CSMD1: variants seen among roughly 807,000 people sequenced by gnomAD.
The protein encoded by CSMD1 is CUB and sushi domain-containing protein 1.
CSMD1 carries 213 observed loss-of-function variants against 417.5 expected under a neutral mutation model. The observed-to-expected ratio is 0.51, with a 90% CI of 0.46 to 0.57. CSMD1 has a LOEUF of 0.57. Among genes scored for constraint, CSMD1 ranks in the 20% least tolerant of loss-of-function variants. CSMD1 has a pLI of 0.00. For synonymous variants in CSMD1, 2,862 were observed against 1,736.8 expected, an observed-to-expected ratio of 1.65 and a Z score of -16.11; for missense variants, 6,923 against 4,529.7, an observed-to-expected ratio of 1.53 and a Z score of -15.17.
rs186010329 is a variant in CSMD1, at chr8:3,542,499, A to T, written c.1344+32446T>A. Among the ~76,000 whole-genome samples the T allele has an allele frequency of 2.4e-4, 37 of 152,328 alleles. No individual in the cohort carries two copies. The East Asian group carries it at 6.0e-3, about 25-fold the overall frequency. ...TTTCTCAGGCAGGGAAAAAGCAATA[A>T]ATCAGTGACTACATCCTGTGTCAGA... On this transcript the variant is annotated intron_variant, in intron 10 of 69. Coordinates refer to ENST00000635120, the MANE Select transcript of CSMD1 (RefSeq NM_033225.6).
In CSMD1 at chr8:3,351,383, G is replaced by T. The variant is rs555910288; in HGVS notation, c.3305-3222C>A. Among the ~76,000 whole-genome samples, 373 of 151,982 alleles carry T rather than the reference G, an allele frequency of 2.5e-3. 1 individual carries two copies. The highest frequency in any genetic ancestry group is 4.5e-3 in the Non-Finnish European group (305 of 67,950). On this transcript the variant is annotated intron_variant, in intron 21 of 69. Transcript: ENST00000635120. The stretch of plus-strand genomic sequence containing the variant: ...CCCAGCACTTTCGGAGGCCGAGGCA[G>T]GCGGATCACCTGAGGTCAGGAGTTG...
chr8:4,367,424 A>G (rs571982905), intron 3 of CSMD1, among the ~76,000 whole-genome samples: 3 of 151,962 alleles, frequency 2.0e-5, no homozygotes, highest in Non-Finnish European at 2.9e-5. Flanking sequence ...CTATGTGTCT[A>G]TTTCTGTACC....
intron 12 of CSMD1, among the ~76,000 whole-genome samples, chr8:3,451,876 G>T (rs1199501368): frequency 6.6e-6 from 1 of 152,148 alleles, no homozygotes; most frequent in African/African-American, 2.4e-5. Context: ...GCTTGATGGG[G>T]ATGGCATTGA....
chr8:3,832,986 G>A (rs1027574491), intron 5 of CSMD1, among the ~76,000 whole-genome samples: 3 of 152,146 alleles, frequency 2.0e-5, no homozygotes, highest in African/African-American at 7.2e-5. Flanking sequence ...TATAGACACT[G>A]TTTTCTTTTT....
chr8:3,071,360 G>C (rs767976170), intron 49 of CSMD1, among the ~76,000 whole-genome samples: 4 of 152,162 alleles, frequency 2.6e-5, no homozygotes, highest in African/African-American at 9.7e-5. Context: ...ACGGGGTGGG[G>C]AGCAAGAGGA....
At chr8:4,406,597 C>G (rs1396513973) in intron 3 of CSMD1, among the ~76,000 whole-genome samples, 1 of 152,060 alleles carries the variant, frequency 6.6e-6, no homozygotes, top group East Asian at 1.9e-4. Context: ...GATAAGACAC[C>G]CACACCAAGG....
At chr8:4,720,791 A>G (rs1010127251) in intron 1 of CSMD1, among the ~76,000 whole-genome samples, 2 of 152,214 alleles carry the variant, frequency 1.3e-5, no homozygotes, top group African/African-American at 4.8e-5. Flanking sequence ...TTTGTGACTT[A>G]GAATTCCATC....
At chr8:4,655,120 G>A (rs190603318) in intron 1 of CSMD1, among the ~76,000 whole-genome samples, 1 of 151,574 alleles carries the variant, frequency 6.6e-6, no homozygotes, top group Non-Finnish European at 1.5e-5. Context: ...AATTTCAAGG[G>A]TTTTGTCTTA....
At chr8:4,641,354 CAG>C (rs1457513620) in intron 1 of CSMD1, among the ~76,000 whole-genome samples, 1 of 152,152 alleles carries the variant, frequency 6.6e-6, no homozygotes, top group African/African-American at 2.4e-5. Context: ...ATAGAAGAAT[CAG>C]AGAGTTAGTT....
At chr8:4,815,361 C>T (rs1361625435) in intron 1 of CSMD1, among the ~76,000 whole-genome samples, 1 of 152,134 alleles carries the variant, frequency 6.6e-6, no homozygotes, top group Non-Finnish European at 1.5e-5. Flanking sequence ...ACAGAGCCAG[C>T]TTGTGGACAC....
chr8:4,496,776 T>G (rs1311512662), intron 2 of CSMD1, among the ~76,000 whole-genome samples: 1 of 152,130 alleles, frequency 6.6e-6, no homozygotes, highest in Non-Finnish European at 1.5e-5. Flanking sequence ...TTGAAAGCAT[T>G]TCCTTAGAGC....
At chr8:4,534,493 G>C (rs539295553) in intron 2 of CSMD1, among the ~76,000 whole-genome samples, 1 of 152,112 alleles carries the variant, frequency 6.6e-6, no homozygotes. Context: ...TTCAGATACA[G>C]CGGGGTACAG....
intron 36 of CSMD1, among the ~76,000 whole-genome samples, chr8:3,182,578 C>CTGTGTGTGTGTG (rs35090952): frequency 8.5e-4 from 80 of 94,162 alleles, no homozygotes; most frequent in Middle Eastern, 6.4e-3. Context: ...TTATAAGAAG[C>CTGTGTGTGTGTG]TGTGTGTGTG....
At chr8:4,616,356 T>A (rs986248199) in intron 2 of CSMD1, among the ~76,000 whole-genome samples, 1 of 152,190 alleles carries the variant, frequency 6.6e-6, no homozygotes, top group South Asian at 2.1e-4. Flanking sequence ...TCTCAAGAAC[T>A]CTGAGGTCAC....
At chr8:4,387,935 C>G (rs1803566333) in intron 3 of CSMD1, among the ~76,000 whole-genome samples, 1 of 152,018 alleles carries the variant, frequency 6.6e-6, no homozygotes, top group South Asian at 2.1e-4. Flanking sequence ...CGAGTAACAA[C>G]AAAGGATTTC....
chr8:4,049,529 T>A (rs774058670), intron 3 of CSMD1, among the ~76,000 whole-genome samples: 1 of 152,010 alleles, frequency 6.6e-6, no homozygotes, highest in Non-Finnish European at 1.5e-5. Flanking sequence ...CACTTTGGTC[T>A]CTAGGGCCAA....
At chr8:3,288,826 A>G (rs530706128) in intron 25 of CSMD1, among the ~76,000 whole-genome samples, 26 of 145,924 alleles carry the variant, frequency 1.8e-4, no homozygotes, top group Non-Finnish European at 3.4e-4. Context: ...TATTTCTTTT[A>G]TTTTATTTTA....
chr8:3,242,755 G>A (rs1033155021), intron 26 of CSMD1, among the ~76,000 whole-genome samples: 1 of 151,596 alleles, frequency 6.6e-6, no homozygotes, highest in African/African-American at 2.4e-5. Context: ...AGACATGGAG[G>A]GAAGGGGTTC....
At chr8:4,256,714 A>G (rs867714338) in intron 3 of CSMD1, among the ~76,000 whole-genome samples, 1 of 152,062 alleles carries the variant, frequency 6.6e-6, no homozygotes, top group Non-Finnish European at 1.5e-5. Flanking sequence ...GTGTGGGGGA[A>G]GGAAGGCGCC....
Sources: gnomAD v4.1 joint callset for allele counts (sites outside exome capture counted in the v4.1 genomes callset) on GRCh38, gnomAD v4.1.1 for gene constraint, MANE v1.5 for transcripts, NCBI Gene and HGNC (gene_info 2026-07-23, HGNC 2026-07-21) for gene names.